The following NCOR2 variants were observed in gnomAD, a reference collection of about 807,000 sequenced individuals.
NCOR2 encodes the protein nuclear receptor corepressor 2, also known as CTG repeat protein 26.
A neutral mutation model predicts 262.9 loss-of-function variants in NCOR2; 81 were observed. The observed-to-expected ratio is 0.31, with a 90% CI of 0.26 to 0.37. The LOEUF is 0.37. Among genes scored for constraint, NCOR2 ranks in the 10% least tolerant of loss-of-function variants. The pLI, the probability that NCOR2 is intolerant of heterozygous loss-of-function variation, is 1.00. For missense variants in NCOR2, 3,385 were observed against 3,621.4 expected, an observed-to-expected ratio of 0.93 and a Z score of 1.68; for synonymous variants, 1,659 against 1,559.3, an observed-to-expected ratio of 1.06 and a Z score of -1.51.
upstream of NCOR2, among the ~76,000 whole-genome samples, chr12:124,537,062 G>C (rs930726229): frequency 9.9e-5 from 15 of 152,202 alleles, no homozygotes; most frequent in African/African-American, 3.6e-4. Flanking sequence ...ATGGTTCCAC[G>C]ATAGGATTCT....
At chr12:124,463,754 G>A (rs1436064042) in intron 5 of NCOR2, among the ~76,000 whole-genome samples, 2 of 152,194 alleles carry the variant, frequency 1.3e-5, no homozygotes, top group African/African-American at 2.4e-5. Context: ...TGCCAAAGGC[G>A]GCTGGGGGCC....
chr12:124,529,031 TAGCC>T (rs2050634987), intron 1 of NCOR2, among the ~76,000 whole-genome samples: 1 of 150,912 alleles, frequency 6.6e-6, no homozygotes, highest in Admixed American at 6.6e-5. Context: ...AATACAAAAT[TAGCC>T]AGGCGTGGTG....
intron 1 of NCOR2, among the ~76,000 whole-genome samples, chr12:124,502,900 A>G (rs1476525257): frequency 2.0e-5 from 3 of 152,118 alleles, no homozygotes; most frequent in Non-Finnish European, 2.9e-5. Flanking sequence ...GGCCCTAGAG[A>G]AACGGGCCTC....
intron 5 of NCOR2, among the ~76,000 whole-genome samples, chr12:124,465,060 G>A (rs1314038913): frequency 6.6e-6 from 1 of 152,186 alleles, no homozygotes; most frequent in Non-Finnish European, 1.5e-5. Flanking sequence ...GGCTGCCACT[G>A]CAGGCACCCA....
exon 14 of NCOR2, chr12:124,402,529 CTGCTGCTGCTGCTGCTGCTGT>C: frequency 2.6e-6 from 4 of 1,566,244 alleles, no homozygotes; most frequent in Non-Finnish European, 3.5e-6. Context: ...GCTGCTGCTG[CTGCTGCTGCTGCTGCTGCTGT>C]TGTTGCTGCT....
chr12:124,519,563 G>A (rs1262164635), intron 1 of NCOR2, among the ~76,000 whole-genome samples: 2 of 152,180 alleles, frequency 1.3e-5, no homozygotes, highest in Admixed American at 6.5e-5. Context: ...GCGCAGGGGC[G>A]AGGCGGGGAG....
intron 1 of NCOR2, among the ~76,000 whole-genome samples, chr12:124,509,235 T>TTC (rs1555234137): frequency 3.6e-5 from 2 of 55,086 alleles, no homozygotes; most frequent in African/African-American, 1.5e-4. Flanking sequence ...CTGGCTTTGG[T>TTC]GGGGGGGGGG....
At chr12:124,354,417 C>T (rs974830167) in intron 26 of NCOR2, 61 bp downstream of exon 28, 81 of 1,389,696 alleles carry the variant, frequency 5.8e-5, no homozygotes, top group Non-Finnish European at 7.0e-5. Context: ...GAATAAAGGG[C>T]CCTTTGGGCA....
At chr12:124,332,569 C>T in intron 42 of NCOR2, 102 bp from the exon 45 acceptor site, 1 of 1,479,872 alleles carries the variant, frequency 6.8e-7, no homozygotes, top group Non-Finnish European at 9.3e-7. Context: ...CATTTGGAAG[C>T]AAGCTTCACC....
At chr12:124,493,725 A>G (rs187591262) in intron 1 of NCOR2, among the ~76,000 whole-genome samples, 1 of 152,320 alleles carries the variant, frequency 6.6e-6, no homozygotes, top group East Asian at 1.9e-4. Flanking sequence ...GATAAAGACA[A>G]TGATGACAAA....
exon 11 of NCOR2, chr12:124,426,719 T>C: frequency 6.2e-7 from 1 of 1,611,108 alleles, no homozygotes; most frequent in South Asian, 1.1e-5. Flanking sequence ...CCGTTCATGT[T>C]GATGAACTTG....
At chr12:124,419,335 C>T (rs2043084905) in intron 13 of NCOR2, among the ~76,000 whole-genome samples, 1 of 152,188 alleles carries the variant, frequency 6.6e-6, no homozygotes, top group Non-Finnish European at 1.5e-5. Flanking sequence ...AGGACGCTGC[C>T]ATGGTAATAT....
chr12:124,337,080 T>A, exon 38 of NCOR2: 1 of 1,486,078 alleles, frequency 6.7e-7, no homozygotes, highest in South Asian at 1.4e-5. Flanking sequence ...ACGGGCTCCA[T>A]GAGGGTAGGG....
At chr12:124,418,732 C>A (rs559774648) in intron 13 of NCOR2, among the ~76,000 whole-genome samples, 2 of 152,184 alleles carry the variant, frequency 1.3e-5, no homozygotes, top group South Asian at 2.1e-4. Context: ...GTAGGCCACA[C>A]GTCTGGCTTG....
rs556280224 is a variant in NCOR2, at chr12:124,516,513, G to C, written c.-118+19052C>G. 4.6e-5 allele frequency among the ~76,000 whole-genome samples: 7 copies of C among 152,316 alleles called. No homozygotes were observed. In the East Asian group the frequency reaches 1.2e-3, roughly 25 times the overall value. On this transcript the variant is annotated intron_variant, in intron 1 of 46. Coordinates refer to the NCOR2 transcript ENST00000404621. The stretch of plus-strand genomic sequence containing the variant: ...TGCAAAGAAGAAAAGAAAAATGGAC[G>C]GAACTCGAACTTAAATCCAACCTTG...
At chr12:124,335,662 C>A in intron 38 of NCOR2, 30 bp from the exon 41 acceptor site, 1 of 1,574,510 alleles carries the variant, frequency 6.4e-7, no homozygotes. Context: ...CAGAGTCAGG[C>A]ACCGGGCCCA....
intron 16 of NCOR2, among the ~76,000 whole-genome samples, chr12:124,386,331 C>T (rs561293898): frequency 6.6e-6 from 1 of 152,178 alleles, no homozygotes; most frequent in Admixed American, 6.5e-5. Flanking sequence ...GCAGGCGAGG[C>T]CTCGGGAGAC....
In NCOR2 at chr12:124,531,261, T is replaced by G. The variant is rs1232999549; in HGVS notation, c.-118+4304A>C. On this transcript the variant is annotated intron_variant, in intron 1 of 46. Coordinates refer to the NCOR2 transcript ENST00000404621. The surrounding 1 kb of genome is among the most constrained non-coding windows in gnomAD (Gnocchi z 4.5). ...AATAATAGAAGGACAGGGAGGGGGC[T>G]GCAGGGATGGGGGCTCTGCACCAGC... 6.6e-6 allele frequency among the ~76,000 whole-genome samples: 1 copy of G among 152,184 alleles called. No individual in the cohort carries two copies.
intron 13 of NCOR2, among the ~76,000 whole-genome samples, chr12:124,417,519 A>G (rs556346712): frequency 6.6e-6 from 1 of 152,146 alleles, no homozygotes; most frequent in Non-Finnish European, 1.5e-5. Context: ...GCCCAGCCTC[A>G]ATGCCCCCAA....
Sources: gnomAD v4.1 joint callset for allele counts (sites outside exome capture counted in the v4.1 genomes callset) on GRCh38, gnomAD v4.1.1 for gene constraint, Gnocchi (gnomAD v3.1) non-coding constraint, MANE v1.5 for transcripts, NCBI Gene and HGNC (gene_info 2026-07-23, HGNC 2026-07-21) for gene names.